The following USP39 variants were observed in gnomAD, a reference collection of about 807,000 sequenced individuals.
USP39 encodes ubiquitin carboxyl-terminal hydrolase 39.
A neutral mutation model predicts 66.4 loss-of-function variants in USP39; 38 were observed. The observed-to-expected ratio is 0.57, with a 90% CI of 0.44 to 0.75. USP39 has a LOEUF of 0.75. USP39 is among the 30% of genes least tolerant of loss of function. USP39 has a pLI of 0.00. For synonymous variants in USP39, 303 were observed against 274.6 expected (o/e 1.10, Z -1.02); for missense variants, 608 against 714.4 (o/e 0.85, Z 1.70).
chr2:85,613,279 C>T (rs773721691), upstream of USP39, among the ~76,000 whole-genome samples: 1 of 151,918 alleles, frequency 6.6e-6, no homozygotes, highest in Non-Finnish European at 1.5e-5. Flanking sequence ...GAGGCCCAGG[C>T]GGGCAGATCA....
chr2:85,611,800 A>G, upstream of USP39: 1 of 1,609,996 alleles, frequency 6.2e-7, no homozygotes, highest in Non-Finnish European at 8.5e-7. Flanking sequence ...CGGGGAGCCG[A>G]GCGGGAGTCA....
rs1676857558 is a variant in USP39, at chr2:85,648,996, T to C, written c.*188T>C. 1.5e-6 allele frequency: 1 copy of C among 673,110 alleles called. No individual in the cohort carries two copies. Among genetic ancestry groups the C allele is most frequent in the Admixed American group, 2.6e-5 (1 of 39,078 alleles). The allele number at this position is 673,110 out of a possible 1,614,324, so 41.7% of individuals were successfully genotyped here. ...TGGCCCCACACTGTCACTCAGCTGT[T>C]CTTTGATCATTTTTTTCTAGATTGA... is the stretch of plus-strand genomic sequence containing the variant. On this transcript the variant is annotated 3_prime_UTR_variant, in exon 13 of 13. Coordinates refer to ENST00000323701, the MANE Select transcript of USP39 (RefSeq NM_006590.4).
At chr2:85,623,881 T>C in intron 4 of USP39, 99 bp downstream of exon 4, 1 of 1,354,934 alleles carries the variant, frequency 7.4e-7, no homozygotes. Flanking sequence ...AGAATCTCAG[T>C]CCCTTTAGGC....
rs552006005 is a variant in USP39, at chr2:85,620,898, T to G, written c.339-587T>G. On this transcript the variant is annotated intron_variant, in intron 2 of 12. Coordinates refer to ENST00000323701, the MANE Select transcript of USP39 (RefSeq NM_006590.4). The stretch of plus-strand genomic sequence containing the variant: ...TTGTTCCTTACTGCCAGTACTCACT[T>G]TGCACTTGAATAAATAGGTCTGTTT... 2.0e-5 allele frequency among the ~76,000 whole-genome samples: 3 copies of G among 152,338 alleles called. No individual in the cohort carries two copies. In the East Asian group the frequency reaches 5.8e-4, roughly 29 times the overall value.
At chr2:85,625,873 C>G (rs560136555) in intron 5 of USP39, among the ~76,000 whole-genome samples, 182 bp downstream of exon 5, 1 of 151,844 alleles carries the variant, frequency 6.6e-6, no homozygotes, top group East Asian at 1.9e-4. Context: ...CAAAAATTAG[C>G]TAGATATGGT....
At chr2:85,633,462 T>C (rs1035212656) in intron 6 of USP39, among the ~76,000 whole-genome samples, 2 of 152,160 alleles carry the variant, frequency 1.3e-5, no homozygotes, top group African/African-American at 2.4e-5. Flanking sequence ...ATCAGACTTA[T>C]GAATTTGTTT....
At chr2:85,623,803 G>T in intron 4 of USP39, 21 bp downstream of exon 4, 1 of 1,600,858 alleles carries the variant, frequency 6.2e-7, no homozygotes, top group African/African-American at 1.3e-5. Flanking sequence ...AAGAGGGTTG[G>T]TTTGGGGTCC....
At chr2:85,613,782 A>C (rs1451313446), upstream of USP39, among the ~76,000 whole-genome samples, 2 of 150,966 alleles carry the variant, frequency 1.3e-5, no homozygotes, top group African/African-American at 2.4e-5. Flanking sequence ...ATTTTTTTTT[A>C]TTTTTTTATT....
At chr2:85,612,471 T>A, upstream of USP39, 1 of 1,175,210 alleles carries the variant, frequency 8.5e-7, no homozygotes, top group Non-Finnish European at 1.2e-6. Context: ...AGCACCTACC[T>A]CAAATGGATT....
intron 8 of USP39, among the ~76,000 whole-genome samples, chr2:85,638,637 C>T (rs1675985389): frequency 6.6e-6 from 1 of 151,786 alleles, no homozygotes; most frequent in East Asian, 1.9e-4. Flanking sequence ...CTCCCGAGTT[C>T]AGGTGATTCT....
At position 85,648,798 on chromosome 2, in the gene USP39, A is replaced by AG; in HGVS notation, c.1693dup (p.Ala565GlyfsTer20). On this transcript the variant is annotated frameshift_variant, in exon 13 of 13. Coordinates refer to ENST00000323701, the MANE Select transcript of USP39 (RefSeq NM_006590.4). LOFTEE classifies it high-confidence loss of function. Reference sequence around the variant, plus strand: ...CGAGATAATGATGAAACCAACCAGCAGGGGGCTTGAAGGAGGCGTCTAGGG... The same window carrying AG: ...CGAGATAATGATGAAACCAACCAGCAGGGGGGCTTGAAGGAGGCGTCTAGGG... The AG allele has an allele frequency of 1.2e-6, 2 of 1,614,172 alleles. No homozygotes were observed. Among genetic ancestry groups the AG allele is most frequent in the African/African-American group, 1.3e-5 (1 of 75,044 alleles).
At chr2:85,620,956 T>C (rs909940852) in intron 2 of USP39, among the ~76,000 whole-genome samples, 1 of 152,174 alleles carries the variant, frequency 6.6e-6, no homozygotes, top group South Asian at 2.1e-4. Context: ...GGCTATTTGT[T>C]TTTATGGATA....
intron 11 of USP39, among the ~76,000 whole-genome samples, chr2:85,647,351 A>T (rs950124903): frequency 6.6e-6 from 1 of 152,166 alleles, no homozygotes; most frequent in African/African-American, 2.4e-5. Context: ...TTTTAAAAAG[A>T]TGTACAGAAG....
At chr2:85,626,738 G>A (rs1013332955) in intron 5 of USP39, among the ~76,000 whole-genome samples, 3 of 147,612 alleles carry the variant, frequency 2.0e-5, no homozygotes, top group African/African-American at 7.5e-5. Flanking sequence ...TTTTTTTTGA[G>A]ACGGAGTCTC....
At chr2:85,612,059 C>T, upstream of USP39, 2 of 1,176,568 alleles carry the variant, frequency 1.7e-6, no homozygotes, top group Non-Finnish European at 2.3e-6. Context: ...AGCTCCGCGC[C>T]GCCCCTTGCT....
chr2:85,621,569 G>C lies in USP39; in HGVS notation c.423G>C (p.Lys141Asn). Residue 141 changes from lysine (K) to asparagine (N), a missense_variant, in exon 3 of 13, where the codon AAG becomes AAC. Physicochemically the swap from Lys to Asn is moderately conservative, Grantham distance 94 (BLOSUM62 0). Coordinates refer to ENST00000323701, the MANE Select transcript of USP39 (RefSeq NM_006590.4). ...INAYACLVCG[K>N]YFQGRGLKSH... ...CTTATGCCTGTCTGGTGTGTGGCAA[G>C]TACTTTCAAGGTAAATAAGTTGTTA... The C allele has an allele frequency of 1.9e-6, 3 of 1,612,354 alleles. No individual in the cohort carries two copies. Among genetic ancestry groups the C allele is most frequent in the Non-Finnish European group, 2.5e-6 (3 of 1,179,564 alleles).
intron 10 of USP39, among the ~76,000 whole-genome samples, chr2:85,642,400 A>C (rs1676301970): frequency 1.3e-5 from 2 of 152,164 alleles, no homozygotes; most frequent in African/African-American, 4.8e-5. Context: ...ATTGCCAGTC[A>C]CCTGTCTGTT....
upstream of USP39, chr2:85,609,173 T>C: frequency 6.8e-7 from 1 of 1,473,140 alleles, no homozygotes; most frequent in South Asian, 1.3e-5. Flanking sequence ...TCAAGGCTTT[T>C]TGCCAGCACC....
chr2:85,631,499 GC>G (rs1675330457), intron 6 of USP39, among the ~76,000 whole-genome samples: 1 of 151,926 alleles, frequency 6.6e-6, no homozygotes, highest in South Asian at 2.1e-4. Flanking sequence ...CTTGAGAGTA[GC>G]CAGGAGTGTC....
Sources: allele counts gnomAD v4.1 joint callset (sites outside exome capture counted in the v4.1 genomes callset), GRCh38; gene constraint gnomAD v4.1.1; transcripts MANE v1.5; gene names NCBI Gene and HGNC (gene_info 2026-07-23, HGNC 2026-07-21).